DPP4: variants seen among roughly 807,000 people sequenced by gnomAD.
DPP4 encodes the protein ADCP-2.
Under a neutral mutation model 122.4 loss-of-function variants are expected in DPP4, and 93 were observed. The ratio of observed to expected loss-of-function variants is 0.76; its 90% CI spans 0.64 to 0.90. DPP4 has a LOEUF of 0.90. DPP4 is among the 40% of genes least tolerant of loss of function. The probability of loss-of-function intolerance (pLI) is 0.00; values close to 1 mark genes in which losing one functional copy is unlikely to be tolerated. For missense variants in DPP4, 914 were observed against 907.3 expected, an observed-to-expected ratio of 1.01 and a Z score of -0.09; for synonymous variants, 321 against 302.9, an observed-to-expected ratio of 1.06 and a Z score of -0.62.
chr2:162,010,642 A>T (rs150046750), intron 20 of DPP4, among the ~76,000 whole-genome samples: 13 of 152,322 alleles, frequency 8.5e-5, no homozygotes, highest in Non-Finnish European at 1.9e-4. Context: ...TCTCTCATAG[A>T]GGAGCGATCT....
chr2:162,036,535 A>T (rs961252936), intron 8 of DPP4, among the ~76,000 whole-genome samples: 1 of 152,180 alleles, frequency 6.6e-6, no homozygotes, highest in Non-Finnish European at 1.5e-5. Flanking sequence ...GAATTGGTAG[A>T]ATCAAAAACC....
intron 2 of DPP4, among the ~76,000 whole-genome samples, chr2:162,065,168 G>A (rs1684908770): frequency 6.6e-6 from 1 of 152,186 alleles, no homozygotes; most frequent in Non-Finnish European, 1.5e-5. Flanking sequence ...TGATTGGTTT[G>A]GATATGGACA....
intron 2 of DPP4, among the ~76,000 whole-genome samples, chr2:162,058,325 A>G (rs1684648519): frequency 1.3e-5 from 2 of 152,254 alleles, no homozygotes. Context: ...GGAACCCCTC[A>G]GATCATCACC....
chr2:162,006,837 T>C (rs1701294311), intron 22 of DPP4, among the ~76,000 whole-genome samples: 1 of 152,156 alleles, frequency 6.6e-6, no homozygotes, highest in South Asian at 2.1e-4. Flanking sequence ...GAATTTTATC[T>C]TGCCATTGTG....
intron 2 of DPP4, among the ~76,000 whole-genome samples, chr2:162,066,807 G>T (rs1003002324): frequency 1.3e-5 from 2 of 152,182 alleles, no homozygotes; most frequent in African/African-American, 2.4e-5. Context: ...AGATCACATG[G>T]TGAGAAAGAA....
At chr2:162,021,788 A>C (rs1412430670) in intron 12 of DPP4, among the ~76,000 whole-genome samples, 1 of 152,160 alleles carries the variant, frequency 6.6e-6, no homozygotes, top group Non-Finnish European at 1.5e-5. Context: ...GAGAGGAAAA[A>C]ACATATTTTT....
chr2:162,059,184 A>G (rs1378792717), intron 2 of DPP4, among the ~76,000 whole-genome samples: 1 of 152,180 alleles, frequency 6.6e-6, no homozygotes, highest in Non-Finnish European at 1.5e-5. Flanking sequence ...AGGAAGCTCT[A>G]CACACACAGG....
At chr2:162,067,219 G>T (rs575378211) in intron 2 of DPP4, among the ~76,000 whole-genome samples, 1 of 152,334 alleles carries the variant, frequency 6.6e-6, no homozygotes, top group Admixed American at 6.5e-5. Context: ...TTATGGACAT[G>T]AGTTTGAGCA....
rs1685228812 is a variant in DPP4 at position 162,074,199 on chromosome 2, G to A, written c.-218C>T. On this transcript the variant is annotated 5_prime_UTR_variant, in exon 1 of 26. Transcript: ENST00000360534. ...GGGCAGGCGGCGCGGGAGCAGGCGC[G>A]CGTGGCGCGGGGCACTGGCATCCCG... 4 of 1,230,966 alleles carry A rather than the reference G, an allele frequency of 3.2e-6. No individual in the cohort carries two copies. The highest frequency in any genetic ancestry group is 3.2e-5 in the East Asian group (1 of 30,894). 76.3% of individuals were successfully genotyped at this position (1,230,966 alleles called of 1,614,324 possible). A position where few individuals can be genotyped will look rare whatever the true frequency, so the allele number is the denominator to read the frequency against.
intron 22 of DPP4, 83 bp downstream of exon 22, chr2:162,008,479 G>A (rs1329195334): frequency 1.7e-6 from 2 of 1,194,846 alleles, no homozygotes; most frequent in Non-Finnish European, 1.2e-6. Flanking sequence ...TAAAAACACT[G>A]AAACTCAGAA....
intron 9 of DPP4, among the ~76,000 whole-genome samples, chr2:162,034,276 G>A (rs1032417009): frequency 1.3e-5 from 2 of 152,024 alleles, no homozygotes; most frequent in East Asian, 1.9e-4. Flanking sequence ...GAAATAATAT[G>A]ATATTTTTAG....
intron 2 of DPP4, among the ~76,000 whole-genome samples, chr2:162,053,727 C>T (rs1213329957): frequency 6.6e-6 from 1 of 152,238 alleles, no homozygotes; most frequent in Non-Finnish European, 1.5e-5. Context: ...TAAACCTTGG[C>T]AGCACTCATG....
intron 2 of DPP4, among the ~76,000 whole-genome samples, chr2:162,069,466 C>T (rs1441535248): frequency 6.6e-6 from 1 of 152,192 alleles, no homozygotes; most frequent in Non-Finnish European, 1.5e-5. Context: ...TCTTCATTTT[C>T]TCTCTCTTTG....
At chr2:161,997,350 T>C (rs1252872222) in intron 23 of DPP4, among the ~76,000 whole-genome samples, 1 of 152,222 alleles carries the variant, frequency 6.6e-6, no homozygotes, top group African/African-American at 2.4e-5. Context: ...TATCCCTCCG[T>C]TGATTTTTTT....
intron 2 of DPP4, among the ~76,000 whole-genome samples, chr2:162,049,469 G>A (rs1423230382): frequency 1.3e-5 from 2 of 151,096 alleles, no homozygotes; most frequent in Non-Finnish European, 2.9e-5. Context: ...CAACACTGAG[G>A]CCTGTTGGGG....
At position 162,038,552 on chromosome 2, in the gene DPP4, G is replaced by A. The variant is rs1683870528; in HGVS notation, c.493-130C>T. On this transcript the variant is annotated intron_variant, in intron 7 of 25. Coordinates refer to ENST00000360534, the MANE Select transcript of DPP4 (RefSeq NM_001935.4). ...CAAATATTCCATTCAAACAGGAAGA[G>A]TCATTTACTCCTTCCCTCTCATTCT... is the stretch of plus-strand genomic sequence containing the variant. The A allele has an allele frequency of 1.1e-5, 11 of 973,560 alleles. No individual in the cohort carries two copies. The South Asian group carries it at 1.8e-4, about 16-fold the overall frequency. 60.3% of individuals were successfully genotyped at this position (973,560 alleles called of 1,614,324 possible).
At chr2:162,012,096 C>T (rs1330239932) in intron 19 of DPP4, 109 bp from the exon 20 acceptor site, 2 of 1,126,598 alleles carry the variant, frequency 1.8e-6, no homozygotes, top group East Asian at 2.6e-5. Context: ...AATCATGAGC[C>T]TTAAACTGTG....
At chr2:161,998,101 C>T (rs147707103) in intron 23 of DPP4, among the ~76,000 whole-genome samples, 1 of 152,286 alleles carries the variant, frequency 6.6e-6, no homozygotes, top group Non-Finnish European at 1.5e-5. Context: ...CTCTGCACAG[C>T]CCTGGGTGAT....
intron 5 of DPP4, among the ~76,000 whole-genome samples, 199 bp from the exon 6 acceptor site, chr2:162,039,383 T>C (rs1249581227): frequency 1.3e-5 from 2 of 152,018 alleles, no homozygotes; most frequent in Non-Finnish European, 2.9e-5. Context: ...CTGGAGTTCA[T>C]CTACAACCTA....
Sources: allele counts gnomAD v4.1 joint callset (sites outside exome capture counted in the v4.1 genomes callset), GRCh38; gene constraint gnomAD v4.1.1; transcripts MANE v1.5; gene names NCBI Gene and HGNC (gene_info 2026-07-23, HGNC 2026-07-21).